DNAI4: variants seen among roughly 807,000 people sequenced by gnomAD.
DNAI4 encodes WD repeat domain 78.
In DNAI4, 85 loss-of-function variants were observed where a neutral mutation model predicts 105.8. The ratio of observed to expected loss-of-function variants is 0.80; its 90% CI spans 0.67 to 0.96. The LOEUF is 0.96. DNAI4 is among the 40% of genes least tolerant of loss of function. The pLI is 0.00. For missense variants in DNAI4, 1,014 were observed against 1,005.6 expected (o/e 1.01, Z -0.11); for synonymous variants, 352 against 331.5 (o/e 1.06, Z -0.67).
At chr1:66,842,598 T>C (rs1175062889) in intron 8 of DNAI4, among the ~76,000 whole-genome samples, 2 of 152,126 alleles carry the variant, frequency 1.3e-5, no homozygotes, top group African/African-American at 4.8e-5. Flanking sequence ...GGTTTCACTA[T>C]GTTGGCCAGG....
intron 13 of DNAI4, among the ~76,000 whole-genome samples, chr1:66,830,129 C>A (rs1326630576): frequency 2.0e-5 from 3 of 151,858 alleles, no homozygotes; most frequent in South Asian, 2.1e-4. Context: ...AAATCAATGA[C>A]CTCCACTTTC....
intron 8 of DNAI4, among the ~76,000 whole-genome samples, chr1:66,844,467 G>A (rs898038347): frequency 1.3e-5 from 2 of 152,126 alleles, no homozygotes; most frequent in African/African-American, 2.4e-5. Context: ...GGAGGCTGAG[G>A]TGGGAGAATC....
intron 2 of DNAI4, among the ~76,000 whole-genome samples, chr1:66,904,370 A>G (rs975473406): frequency 2.0e-5 from 3 of 152,178 alleles, no homozygotes; most frequent in Non-Finnish European, 2.9e-5. Flanking sequence ...TCAATACTTG[A>G]TATGATCAGT....
At chr1:66,871,251 G>T in intron 6 of DNAI4, 119 bp downstream of exon 6, 1 of 886,486 alleles carries the variant, frequency 1.1e-6, no homozygotes, top group Non-Finnish European at 1.6e-6. Flanking sequence ...TACTGTTGTG[G>T]TTTGGCCAAA....
At chr1:66,918,243 A>AT (rs1436457859) in intron 1 of DNAI4, among the ~76,000 whole-genome samples, 1 of 152,248 alleles carries the variant, frequency 6.6e-6, no homozygotes, top group African/African-American at 2.4e-5. Flanking sequence ...TTTAGTAAAA[A>AT]TGGGAAACTG....
intron 10 of DNAI4, among the ~76,000 whole-genome samples, chr1:66,837,224 T>A (rs918786490): frequency 1.9e-4 from 29 of 151,866 alleles, no homozygotes; most frequent in Admixed American, 6.6e-4. Context: ...ATTAGCTGGG[T>A]ATGGTGGTGT....
chr1:66,858,700 T>C (rs1438632573), intron 7 of DNAI4, among the ~76,000 whole-genome samples: 1 of 151,848 alleles, frequency 6.6e-6, no homozygotes, highest in Non-Finnish European at 1.5e-5. Context: ...ATCAACAAGC[T>C]AAAAAAGAAA....
intron 4 of DNAI4, among the ~76,000 whole-genome samples, chr1:66,880,439 A>G (rs1647044883): frequency 6.6e-6 from 1 of 152,224 alleles, no homozygotes; most frequent in Admixed American, 6.5e-5. Context: ...AATACAGTCT[A>G]GGCTGAGGTA....
rs142881191 is a variant in DNAI4, at chr1:66,914,935, A to T, written c.171-9560T>A. 8.0e-3 allele frequency among the ~76,000 whole-genome samples: 1,216 copies of T among 152,346 alleles called. 12 individuals carry two copies. Among genetic ancestry groups the T allele is most frequent in the African/African-American group, 0.028 (1,166 of 41,574 alleles). ...TTATGTAACTTAAGTAAAATCTTTA[A>T]TAAATAAGCTAGCTTTAAAATTACT... On this transcript the variant is annotated intron_variant, in intron 1 of 16. Transcript: ENST00000371026.
intron 11 of DNAI4, among the ~76,000 whole-genome samples, chr1:66,835,291 T>G (rs1645960429): frequency 6.6e-6 from 1 of 152,190 alleles, no homozygotes; most frequent in Non-Finnish European, 1.5e-5. Flanking sequence ...TACAATGTGA[T>G]AAGCACTATG....
In DNAI4 at chr1:66,905,395, T is replaced by C. The variant is rs372097754; in HGVS notation, c.171-20A>G. ...TTGTTCCTATATAAGAAAAATAAAA[T>C]ATAATGCAAAGGATTCAAGATTGAA... On this transcript the variant is annotated intron_variant, in intron 1 of 16. Coordinates refer to ENST00000371026, the MANE Select transcript of DNAI4 (RefSeq NM_024763.5). 6.4e-6 allele frequency: 9 copies of C among 1,399,686 alleles called. No individual in the cohort carries two copies. In the African/African-American group the frequency reaches 7.2e-5, roughly 11 times the overall value. 86.7% of individuals were successfully genotyped at this position (1,399,686 alleles called of 1,614,324 possible).
intron 4 of DNAI4, among the ~76,000 whole-genome samples, chr1:66,879,796 T>G (rs1647029819): frequency 6.6e-6 from 1 of 152,230 alleles, no homozygotes; most frequent in African/African-American, 2.4e-5. Context: ...TCATTTCATA[T>G]GCTTATTATA....
chr1:66,825,859 T>C (rs1056369302), intron 15 of DNAI4, among the ~76,000 whole-genome samples: 2 of 152,242 alleles, frequency 1.3e-5, no homozygotes, highest in African/African-American at 4.8e-5. Context: ...ATAAATCCAT[T>C]GAATTTGACA....
In DNAI4 at chr1:66,813,917, G is replaced by GA; in HGVS notation, c.*212dup. On this transcript the variant is annotated 3_prime_UTR_variant, in exon 17 of 17. Transcript: ENST00000371026. ...GTAGGAATATCTTTAGAAAAATTAA[G>GA]AAAATTCCACTGAAACTCTTAAGAA... 1 of 443,030 alleles carries GA rather than the reference G, an allele frequency of 2.3e-6. No individual in the cohort carries two copies. Among genetic ancestry groups the GA allele is most frequent in the Non-Finnish European group, 3.9e-6 (1 of 253,420 alleles). 27.4% of individuals were successfully genotyped at this position (443,030 alleles called of 1,614,324 possible). A position where few individuals can be genotyped will look rare whatever the true frequency, so the allele number is the denominator to read the frequency against.
intron 4 of DNAI4, among the ~76,000 whole-genome samples, chr1:66,880,978 G>A (rs561112627): frequency 4.3e-4 from 66 of 152,290 alleles, no homozygotes; most frequent in African/African-American, 1.6e-3. Flanking sequence ...TAAAAGGGAT[G>A]AAGGTACAGC....
intron 7 of DNAI4, among the ~76,000 whole-genome samples, chr1:66,849,521 T>C (rs185334781): frequency 6.6e-6 from 1 of 152,272 alleles, no homozygotes; most frequent in East Asian, 1.9e-4. Flanking sequence ...TCACTCATAA[T>C]ACCAAGAACC....
chr1:66,849,425 A>C (rs1329118837), intron 7 of DNAI4, among the ~76,000 whole-genome samples: 1 of 152,228 alleles, frequency 6.6e-6, no homozygotes, highest in Non-Finnish European at 1.5e-5. Context: ...CTGCCAGAAC[A>C]GTGTCAAACA....
rs1289056116 is a variant in DNAI4, at chr1:66,813,207, C to T, written c.*923G>A. On this transcript the variant is annotated 3_prime_UTR_variant, in exon 17 of 17. Coordinates refer to ENST00000371026, the MANE Select transcript of DNAI4 (RefSeq NM_024763.5). The stretch of plus-strand genomic sequence containing the variant: ...GTGAATTTCATATGCCCTATCGTCT[C>T]CTCTCCACTTAGAATGCTTTATAGA... 2.6e-5 allele frequency: 4 copies of T among 152,316 alleles called. No individual in the cohort carries two copies. The highest frequency in any genetic ancestry group is 9.7e-5 in the African/African-American group (4 of 41,446). 9.4% of individuals were successfully genotyped at this position (152,316 alleles called of 1,614,324 possible). A position where few individuals can be genotyped will look rare whatever the true frequency, so the allele number is the denominator to read the frequency against.
In DNAI4 at chr1:66,833,747, C is replaced by T. The variant is rs537941944; in HGVS notation, c.1892-41G>A. The T allele has an allele frequency of 9.4e-6, 15 of 1,596,942 alleles. No individual in the cohort carries two copies. The Admixed American group carries it at 1.8e-4, about 19-fold the overall frequency. Reference sequence around the variant, plus strand: ...AACATATATAACTTGTTATTTACCACATGAAAGAGTACCGCAAATATCATG... The same window carrying T: ...AACATATATAACTTGTTATTTACCATATGAAAGAGTACCGCAAATATCATG... On this transcript the variant is annotated intron_variant, in intron 12 of 16. Transcript: ENST00000371026.
Sources: gnomAD v4.1 joint callset for allele counts (sites outside exome capture counted in the v4.1 genomes callset) on GRCh38, gnomAD v4.1.1 for gene constraint, MANE v1.5 for transcripts, NCBI Gene and HGNC (gene_info 2026-07-23, HGNC 2026-07-21) for gene names.